The following SLC6A13 variants were observed in gnomAD, a reference collection of about 807,000 sequenced individuals.
SLC6A13 encodes the protein sodium- and chloride-dependent GABA transporter 2.
In SLC6A13, 69 loss-of-function variants were observed where a neutral mutation model predicts 72.9. The observed-to-expected ratio is 0.95, with a 90% CI of 0.78 to 1.16. The LOEUF is 1.16. Ranked by LOEUF, SLC6A13 falls within the 50% of genes most tolerant of loss-of-function variation. The probability of loss-of-function intolerance (pLI) is 0.00; values close to 1 mark genes in which losing one functional copy is unlikely to be tolerated. For missense variants in SLC6A13, 735 were observed against 760.5 expected (o/e 0.97, Z 0.39); for synonymous variants, 303 against 303.0 (o/e 1.00, Z 0.00).
At chr12:259,198 A>G (rs1023024379) in intron 2 of SLC6A13, 1 of 941,174 alleles carries the variant, frequency 1.1e-6, no homozygotes, top group African/African-American at 1.8e-5. Context: ...CAGAGCTACT[A>G]TTTATTACTT....
intron 4 of SLC6A13, 71 bp from the exon 5 acceptor site, chr12:238,081 G>C: frequency 3.2e-6 from 5 of 1,581,706 alleles, no homozygotes; most frequent in Non-Finnish European, 4.3e-6. Flanking sequence ...CTGGAGAGTG[G>C]GGTGAAATTC....
chr12:222,734 A>G, intron 12 of SLC6A13, 102 bp from the exon 13 acceptor site: 2 of 678,982 alleles, frequency 2.9e-6, no homozygotes, highest in Non-Finnish European at 5.1e-6. Context: ...AGGGACCCAT[A>G]AAGAGATGAC....
chr12:223,312 C>T (rs1941295659), intron 11 of SLC6A13, 78 bp from the exon 12 acceptor site: 1 of 858,062 alleles, frequency 1.2e-6, no homozygotes, highest in African/African-American at 1.7e-5. Context: ...CCTTTAGCTT[C>T]ACACGGTGGA....
chr12:237,068 C>A, intron 6 of SLC6A13, 90 bp downstream of exon 6: 1 of 1,443,398 alleles, frequency 6.9e-7, no homozygotes, highest in Non-Finnish European at 9.5e-7. Flanking sequence ...CCATCCTCAA[C>A]GGGGCCACAG....
Position 223,852 on chromosome 12 carries a change from T to C in SLC6A13, c.1311+140A>G. ...CCTGCCTACTTTGTCGTTCCTGGGA[T>C]GGGGAAAAGAGGGAGTCCTAGTGTC... On this transcript the variant is annotated intron_variant, in intron 11 of 14. Coordinates refer to ENST00000343164, the MANE Select transcript of SLC6A13 (RefSeq NM_016615.5). 5.4e-6 allele frequency: 5 copies of C among 921,136 alleles called. No homozygotes were observed. In the South Asian group the frequency reaches 7.9e-5, roughly 15 times the overall value. The allele number at this position is 921,136 out of a possible 1,614,324, so 57.1% of individuals were successfully genotyped here.
rs767155440 is a variant in SLC6A13, at chr12:259,953, G to T, written c.100C>A (p.His34Asn). The change falls in exon 2 of 15, where the codon CAC (histidine) becomes AAC (asparagine). Residue 34 changes from histidine (H) to asparagine (N), a missense_variant. Physicochemically the swap from His to Asn is moderately conservative, Grantham distance 68. Transcript: ENST00000343164. Reference protein sequence around the residue: ...KEEDGTLERGHWNNKMEFVLS... With the variant: ...KEEDGTLERGNWNNKMEFVLS... ...ACAAACTCCATCTTGTTGTTCCAGTGCCCCCGCTCCAGGGTGCCATCTTCC... is the reference window on the plus strand; with the variant it reads ...ACAAACTCCATCTTGTTGTTCCAGTTCCCCCGCTCCAGGGTGCCATCTTCC... 1.2e-5 allele frequency: 20 copies of T among 1,614,056 alleles called. No homozygotes were observed. Among genetic ancestry groups the T allele is most frequent in the Admixed American group, 3.3e-5 (2 of 59,998 alleles).
chr12:238,221 T>C lies in SLC6A13; in HGVS notation c.479-211A>G, dbSNP rs547848185. Reference sequence around the variant, plus strand: ...CCGCACACTTGGACATGTGGGTACATAGATGCTTGGGTATACATTCTCCTC... The same window carrying C: ...CCGCACACTTGGACATGTGGGTACACAGATGCTTGGGTATACATTCTCCTC... On this transcript the variant is annotated intron_variant, in intron 4 of 14. Transcript: ENST00000343164. The C allele has an allele frequency of 2.7e-5, 41 of 1,521,140 alleles. No homozygotes were observed. In the South Asian group the frequency reaches 4.8e-4, roughly 18 times the overall value. 94.2% of individuals were successfully genotyped at this position (1,521,140 alleles called of 1,614,324 possible).
At chr12:260,465 A>G (rs1373488939) in intron 1 of SLC6A13, among the ~76,000 whole-genome samples, 1 of 152,166 alleles carries the variant, frequency 6.6e-6, no homozygotes, top group Non-Finnish European at 1.5e-5. Context: ...AAAGGATGGG[A>G]TTTTACATGT....
In SLC6A13 at chr12:221,516, T is replaced by C. The variant is rs779040240; in HGVS notation, c.1546A>G (p.Thr516Ala). 2.0e-5 allele frequency: 32 copies of C among 1,606,190 alleles called. No homozygotes were observed. The South Asian group carries it at 3.2e-4, about 16-fold the overall frequency. Residue 516 changes from threonine to alanine, a missense_variant, in exon 14 of 15, where the codon ACT (threonine) becomes GCT (alanine). Physicochemically the swap from Thr to Ala is moderately conservative, Grantham distance 58 (BLOSUM62 0). Transcript: ENST00000343164. ...ATFLFSLIKY[T>A]PLTYNKKYTY... is the part of the protein sequence containing the mutation. The stretch of plus-strand genomic sequence containing the variant: ...TACTTCTTGTTGTAGGTCAGCGGAG[T>C]GTACTTTATCAGGGAGAAGAGAAAG...
chr12:237,124 G>A (rs200273908), intron 6 of SLC6A13, 34 bp downstream of exon 6: 141 of 1,611,470 alleles, frequency 8.7e-5, no homozygotes, highest in Middle Eastern at 3.3e-4. Context: ...GCAGGAGTCC[G>A]GGAATGGGAG....
At chr12:222,884 T>C (rs1166247018) in intron 12 of SLC6A13, among the ~76,000 whole-genome samples, 1 of 152,124 alleles carries the variant, frequency 6.6e-6, no homozygotes, top group Non-Finnish European at 1.5e-5. Flanking sequence ...CTGAAAACAT[T>C]TGGACAGGGC....
chr12:237,100 A>G (rs1941960924), intron 6 of SLC6A13, 58 bp downstream of exon 6: 2 of 1,583,010 alleles, frequency 1.3e-6, no homozygotes, highest in East Asian at 2.2e-5. Context: ...CCTGGGTGAC[A>G]GCCCCCAGTG....
At chr12:237,752 T>C (rs1941992241) in intron 5 of SLC6A13, among the ~76,000 whole-genome samples, 174 bp downstream of exon 5, 1 of 152,050 alleles carries the variant, frequency 6.6e-6, no homozygotes, top group South Asian at 2.1e-4. Flanking sequence ...ACTGCAGAAG[T>C]CTCATCTCTG....
intron 9 of SLC6A13, among the ~76,000 whole-genome samples, chr12:225,632 A>T (rs1468673082): frequency 1.3e-5 from 2 of 151,028 alleles, no homozygotes; most frequent in East Asian, 3.9e-4. Flanking sequence ...CCTGAGTGAC[A>T]GAGCAAGACT....
intron 4 of SLC6A13, chr12:238,214 G>A: frequency 6.6e-7 from 1 of 1,525,170 alleles, no homozygotes; most frequent in South Asian, 1.2e-5. Flanking sequence ...TTGGACATGT[G>A]GGTACATAGA....
intron 4 of SLC6A13, among the ~76,000 whole-genome samples, chr12:239,357 C>G (rs970054770): frequency 6.6e-6 from 1 of 151,926 alleles, no homozygotes; most frequent in South Asian, 2.1e-4. Context: ...ACCACGTCCA[C>G]CCGGTTCCCT....
At chr12:237,851 C>T (rs972404515) in intron 5 of SLC6A13, 75 bp downstream of exon 5, 3 of 1,092,374 alleles carry the variant, frequency 2.7e-6, no homozygotes, top group Admixed American at 3.5e-5. Context: ...TTGAGAGTGA[C>T]CTTGGTGTGT....
At chr12:230,624 A>G (rs1941670589) in intron 7 of SLC6A13, among the ~76,000 whole-genome samples, 1 of 152,250 alleles carries the variant, frequency 6.6e-6, no homozygotes, top group South Asian at 2.1e-4. Context: ...ACTCTCAAGT[A>G]ATTCATATTC....
Position 220,832 on chromosome 12 carries a change from CTT to C in SLC6A13, c.*114_*115del, listed in dbSNP as rs1941171354. On this transcript the variant is annotated 3_prime_UTR_variant, in exon 15 of 15. Transcript: ENST00000343164. Reference sequence around the variant, plus strand: ...AGCAGGTGGACTCCAAAATACCCCTCTTGTCTTATCCACTCCAGGTCGGGGGC... The same window carrying C: ...AGCAGGTGGACTCCAAAATACCCCTCGTCTTATCCACTCCAGGTCGGGGGC... 3 of 1,336,928 alleles carry C rather than the reference CTT, an allele frequency of 2.2e-6. No individual in the cohort carries two copies. The highest frequency in any genetic ancestry group is 2.1e-5 in the Admixed American group (1 of 47,488). 82.8% of individuals were successfully genotyped at this position (1,336,928 alleles called of 1,614,324 possible). A position where few individuals can be genotyped will look rare whatever the true frequency, so the allele number is the denominator to read the frequency against.
Sources: allele counts gnomAD v4.1 joint callset (sites outside exome capture counted in the v4.1 genomes callset), GRCh38; gene constraint gnomAD v4.1.1; transcripts MANE v1.5; gene names NCBI Gene and HGNC (gene_info 2026-07-23, HGNC 2026-07-21).